The following BRCA1 variants were observed in gnomAD, a reference collection of about 807,000 sequenced individuals.
The protein encoded by BRCA1 is breast cancer type 1 susceptibility protein.
In BRCA1, 140 loss-of-function variants were observed where a neutral mutation model predicts 173.7. That is an observed-to-expected ratio of 0.81 (90% CI 0.70 to 0.93). BRCA1 has a LOEUF of 0.93. BRCA1 is among the 40% of genes least tolerant of loss of function. The probability of loss-of-function intolerance (pLI) is 0.00; values close to 1 mark genes in which losing one functional copy is unlikely to be tolerated. For missense variants in BRCA1, 1,983 were observed against 2,172.5 expected (o/e 0.91, Z 1.73); for synonymous variants, 662 against 756.0 (o/e 0.88, Z 2.04).
At chr17:43,107,848 C>T (rs573100611) in intron 3 of BRCA1, among the ~76,000 whole-genome samples, 2 of 152,250 alleles carry the variant, frequency 1.3e-5, no homozygotes, top group East Asian at 1.9e-4. Flanking sequence ...TAATTAAAAG[C>T]AGCGATTCAC....
chr17:43,086,139 CACACACACAG>C (rs1339549261), intron 11 of BRCA1, among the ~76,000 whole-genome samples: 4 of 151,522 alleles, frequency 2.6e-5, no homozygotes, highest in Non-Finnish European at 5.9e-5. Context: ...CACACACACA[CACACACACAG>C]AAGTCCCCAC....
chr17:43,072,370 C>T (rs772245946), intron 14 of BRCA1, among the ~76,000 whole-genome samples: 3 of 151,526 alleles, frequency 2.0e-5, no homozygotes, highest in Non-Finnish European at 4.4e-5. Flanking sequence ...GCCTGGGCAA[C>T]AAGAGTGAAA....
At chr17:43,068,950 G>A (rs2052268700) in intron 15 of BRCA1, among the ~76,000 whole-genome samples, 1 of 152,152 alleles carries the variant, frequency 6.6e-6, no homozygotes, top group Non-Finnish European at 1.5e-5. Flanking sequence ...TCAATTATGG[G>A]CACAGTTGAC....
At chr17:43,122,401 G>A (rs1228455962) in intron 2 of BRCA1, among the ~76,000 whole-genome samples, 1 of 152,126 alleles carries the variant, frequency 6.6e-6, no homozygotes, top group Non-Finnish European at 1.5e-5. Context: ...TCTAACTACT[G>A]AACATACAGA....
At position 43,063,051 on chromosome 17, in the gene BRCA1, C is replaced by T. The variant is rs8176261; in HGVS notation, c.5193+282G>A. Reference sequence around the variant, plus strand: ...AATTACAGGCAAGTGCCACCAAGCCCGGCTAATTTTGTATTTTTAGTAGAA... The same window carrying T: ...AATTACAGGCAAGTGCCACCAAGCCTGGCTAATTTTGTATTTTTAGTAGAA... On this transcript the variant is annotated intron_variant, in intron 18 of 22. Coordinates refer to ENST00000357654, the MANE Select transcript of BRCA1 (RefSeq NM_007294.4). Among the ~76,000 whole-genome samples, 106 of 152,076 alleles carry T rather than the reference C, an allele frequency of 7.0e-4. 1 individual carries two copies. Among genetic ancestry groups the T allele is most frequent in the Admixed American group, 3.9e-3 (59 of 15,244 alleles).
intron 1 of BRCA1, among the ~76,000 whole-genome samples, chr17:43,169,186 T>C (rs568053032): frequency 2.2e-4 from 34 of 152,248 alleles, no homozygotes; most frequent in Admixed American, 1.1e-3. Context: ...TTTATTTCTT[T>C]GTTTGTTTTT....
At chr17:43,147,992 T>C (rs912434218) in intron 1 of BRCA1, among the ~76,000 whole-genome samples, 3 of 152,206 alleles carry the variant, frequency 2.0e-5, no homozygotes, top group Non-Finnish European at 4.4e-5. Flanking sequence ...TTCCATCCAT[T>C]TCAGCTTTGG....
chr17:43,153,804 T>C (rs2056178760), intron 1 of BRCA1: 1 of 152,260 alleles, frequency 6.6e-6, no homozygotes, highest in Non-Finnish European at 1.5e-5. Context: ...TGTGTACTCT[T>C]ATTAGATCAC....
At chr17:43,060,590 A>G (rs897664977) in intron 18 of BRCA1, among the ~76,000 whole-genome samples, 4 of 151,872 alleles carry the variant, frequency 2.6e-5, no homozygotes, top group African/African-American at 9.7e-5. Flanking sequence ...CTTTCGGTTC[A>G]AGTGATTCTC....
chr17:43,061,218 C>T (rs879337904), intron 18 of BRCA1, among the ~76,000 whole-genome samples: 7 of 152,140 alleles, frequency 4.6e-5, no homozygotes, highest in Non-Finnish European at 7.3e-5. Flanking sequence ...GATGCATTCC[C>T]TTCATTTTTC....
At chr17:43,133,184 T>C (rs1041123725) in intron 1 of BRCA1, 3 of 152,190 alleles carry the variant, frequency 2.0e-5, no homozygotes, top group African/African-American at 7.2e-5. Context: ...GTTCCTCCAT[T>C]TTCCATAAAT....
rs371829475 is a variant in BRCA1 at position 43,110,992 on chromosome 17, T to G, written c.135-4459A>C. On this transcript the variant is annotated intron_variant, in intron 3 of 22. Transcript: ENST00000357654. ...GGTGCACGCCTGTAATCCCAGCTAC[T>G]TGGGAGGCTGAGGCAGGAGAATCAC... Among the ~76,000 whole-genome samples the G allele has an allele frequency of 7.3e-5, 11 of 151,684 alleles. 1 individual carries two copies. In the East Asian group the frequency reaches 1.6e-3, roughly 21 times the overall value.
intron 1 of BRCA1, among the ~76,000 whole-genome samples, chr17:43,156,482 T>A (rs919346967): frequency 6.6e-6 from 1 of 152,140 alleles, no homozygotes; most frequent in Non-Finnish European, 1.5e-5. Flanking sequence ...ACCCTGCCAG[T>A]CTCCTTGGGC....
In BRCA1 at chr17:43,093,216, A is replaced by G. The variant is rs80357467; in HGVS notation, c.2315T>C (p.Val772Ala). The change falls in exon 10 of 23, where the codon GTA (valine) becomes GCA (alanine). Residue 772 changes from valine (V) to alanine (A), a missense_variant. By Grantham distance (64) the Val-to-Ala change is moderately conservative. Coordinates refer to ENST00000357654, the MANE Select transcript of BRCA1 (RefSeq NM_007294.4). The stretch of plus-strand genomic sequence containing the variant: ...CTGAGTGCCATAATCAGTACCAGGT[A>G]CCAATGAAATACTGCTACTCTCTAC... ...RSVESSSISL[V>A]PGTDYGTQES... is the part of the protein sequence containing the mutation. 393 of 1,613,936 alleles carry G rather than the reference A, an allele frequency of 2.4e-4. No homozygotes were observed. Among genetic ancestry groups the G allele is most frequent in the Non-Finnish European group, 3.1e-4 (368 of 1,179,984 alleles).
chr17:43,155,892 G>C (rs2056193952), intron 1 of BRCA1, among the ~76,000 whole-genome samples: 1 of 152,270 alleles, frequency 6.6e-6, no homozygotes, highest in Non-Finnish European at 1.5e-5. Context: ...CAAGTATCCT[G>C]GTAGTGCGAC....
rs80357133 is a variant in BRCA1, at chr17:43,099,817, G to A, written c.505C>T (p.Gln169Ter). Reference protein sequence around the residue: ...LGTVRTLRTKQRIQPQKTSVY... With the variant: ...LGTVRTLRTK ...GACGTCTTTTGAGGTTGTATCCGCT[G>A]CTTTGTCCTCAGAGTTCTCACAGTT... The change falls in exon 7 of 23, where the codon CAG becomes TAG. Residue 169 changes from glutamine (Q) to a stop codon, truncating the protein, a stop_gained. Transcript: ENST00000357654. LOFTEE classifies it high-confidence loss of function. 1 of 1,613,756 alleles carries A rather than the reference G, an allele frequency of 6.2e-7. No individual in the cohort carries two copies. The highest frequency in any genetic ancestry group is 1.1e-5 in the South Asian group (1 of 91,076).
rs80357997 is a variant in BRCA1 at position 43,063,888 on chromosome 17, AC to A, written c.5137del (p.Val1713Ter). The A allele has an allele frequency of 6.2e-7, 1 of 1,613,466 alleles. No homozygotes were observed. Among genetic ancestry groups the A allele is most frequent in the Non-Finnish European group, 8.5e-7 (1 of 1,179,448 alleles). On this transcript the variant is annotated frameshift_variant, in exon 17 of 23. Coordinates refer to ENST00000357654, the MANE Select transcript of BRCA1 (RefSeq NM_007294.4). LOFTEE classifies it high-confidence loss of function. ...YFLGIAGGKW[V>X]VSYFWVTQSI... ...ATTATACTTACAGAAATAGCTAACT[AC>A]CCATTTTCCTCCCGCAATTCCTAGA... is the stretch of plus-strand genomic sequence containing the variant.
upstream of BRCA1, among the ~76,000 whole-genome samples, chr17:43,128,705 C>T (rs924130498): frequency 1.3e-5 from 2 of 152,172 alleles, no homozygotes; most frequent in African/African-American, 4.8e-5. Flanking sequence ...ATATCCTTCT[C>T]ATCCCATTCT....
Position 43,094,304 on chromosome 17 carries a change from T to C in BRCA1, c.1227A>G (p.Val409=), listed in dbSNP as rs149349675. Residue 409 remains valine (V), a synonymous_variant, in exon 10 of 23, where the codon GTA becomes GTG. Transcript: ENST00000357654. ...CATTTAGAACGTCCAATACATCAGCTACTTTGGCATTTGATTCAGACTCCC... is the reference window on the plus strand; with the variant it reads ...CATTTAGAACGTCCAATACATCAGCCACTTTGGCATTTGATTCAGACTCCC... The part of the protein sequence containing the change: ...HDGESESNAK[V]ADVLDVLNEV... The C allele has an allele frequency of 6.2e-7, 1 of 1,614,070 alleles. No homozygotes were observed. The highest frequency in any genetic ancestry group is 8.5e-7 in the Non-Finnish European group (1 of 1,180,038).
Sources: allele counts gnomAD v4.1 joint callset (sites outside exome capture counted in the v4.1 genomes callset), GRCh38; gene constraint gnomAD v4.1.1; transcripts MANE v1.5; gene names NCBI Gene and HGNC (gene_info 2026-07-23, HGNC 2026-07-21).